MLLT3: variants seen among roughly 807,000 people sequenced by gnomAD.
MLLT3 encodes MLLT3 super elongation complex subunit, also known as protein AF-9.
MLLT3 carries 4 observed loss-of-function variants against 53.2 expected under a neutral mutation model. That is an observed-to-expected ratio of 0.08 (90% CI 0.04 to 0.17). MLLT3 has a LOEUF of 0.17. MLLT3 is among the 10% of genes least tolerant of loss of function. The pLI, the probability that MLLT3 is intolerant of heterozygous loss-of-function variation, is 1.00. For missense variants in MLLT3, 569 were observed against 684.0 expected (o/e 0.83, Z 1.87); for synonymous variants, 283 against 230.6 (o/e 1.23, Z -2.06).
chr9:20,533,645 T>C (rs10117696), intron 2 of MLLT3, among the ~76,000 whole-genome samples: 60,933 of 152,070 alleles, frequency 0.4, 12,518 homozygotes, highest in East Asian at 0.53. Context: ...AGCCAAGATA[T>C]GAAAACAAGC....
At chr9:20,456,906 C>A (rs1312355787) in intron 2 of MLLT3, 120 bp from the exon 3 acceptor site, 2 of 664,906 alleles carry the variant, frequency 3.0e-6, no homozygotes, top group Non-Finnish European at 5.0e-6. Context: ...TAGCCCCTTG[C>A]CAAACTCCCA....
At position 20,385,521 on chromosome 9, in the gene MLLT3, A is replaced by G. The variant is rs140745245; in HGVS notation, c.1126-19777T>C. ...ACAATAATTATGTTTGAAATATATG[A>G]ATAAAAATAACAAAATGTCTGTTTT... is the stretch of plus-strand genomic sequence containing the variant. On this transcript the variant is annotated intron_variant, in intron 5 of 10. Transcript: ENST00000380338. 2.0e-5 allele frequency among the ~76,000 whole-genome samples: 3 copies of G among 152,324 alleles called. No individual in the cohort carries two copies. The East Asian group carries it at 5.8e-4, about 29-fold the overall frequency.
chr9:20,426,931 A>C (rs1823152361), intron 4 of MLLT3, among the ~76,000 whole-genome samples: 1 of 152,156 alleles, frequency 6.6e-6, no homozygotes, highest in East Asian at 1.9e-4. Flanking sequence ...GGGTCTCTAA[A>C]GACCAAACCT....
At chr9:20,616,434 G>T (rs1820835292) in intron 2 of MLLT3, among the ~76,000 whole-genome samples, 1 of 151,544 alleles carries the variant, frequency 6.6e-6, no homozygotes, top group Non-Finnish European at 1.5e-5. Context: ...TTCTTTTTCA[G>T]TTTTAAAAAG....
intron 2 of MLLT3, among the ~76,000 whole-genome samples, chr9:20,461,262 T>C (rs1824102249): frequency 6.6e-6 from 1 of 152,178 alleles, no homozygotes; most frequent in Admixed American, 6.5e-5. Flanking sequence ...AGACACAATA[T>C]AGATTCAAAT....
Position 20,528,348 on chromosome 9 carries a change from G to C in MLLT3, c.194-71562C>G, listed in dbSNP as rs1003806394. Among the ~76,000 whole-genome samples the C allele has an allele frequency of 7.4e-4, 112 of 152,230 alleles. 2 individuals are homozygous for C. The highest frequency in any genetic ancestry group is 7.3e-3 in the Admixed American group (111 of 15,276). ...TTACACAAATATATACTGCTGTGTAGACAGGGATAGCACACCGCCAAAACC... is the reference window on the plus strand; with the variant it reads ...TTACACAAATATATACTGCTGTGTACACAGGGATAGCACACCGCCAAAACC... On this transcript the variant is annotated intron_variant, in intron 2 of 10. Coordinates refer to ENST00000380338, the MANE Select transcript of MLLT3 (RefSeq NM_004529.4).
intron 5 of MLLT3, among the ~76,000 whole-genome samples, chr9:20,396,553 A>G (rs763831179): frequency 7.9e-5 from 12 of 152,116 alleles, no homozygotes; most frequent in Non-Finnish European, 1.8e-4. Flanking sequence ...TTTATAAAAC[A>G]CAGTTTGTGT....
intron 10 of MLLT3, among the ~76,000 whole-genome samples, chr9:20,349,785 C>T (rs1258699896): frequency 6.6e-6 from 1 of 152,190 alleles, no homozygotes; most frequent in Non-Finnish European, 1.5e-5. Flanking sequence ...TCCTCTATCA[C>T]CATGTTGTGC....
At position 20,620,247 on chromosome 9, in the gene MLLT3, A is replaced by G. The variant is rs1252959448; in HGVS notation, c.193+407T>C. On this transcript the variant is annotated intron_variant, in intron 2 of 10. Coordinates refer to ENST00000380338, the MANE Select transcript of MLLT3 (RefSeq NM_004529.4). This position sits in a 1 kb window ranked among gnomAD's most constrained non-coding sequence, Gnocchi z 6.1. Reference sequence around the variant, plus strand: ...AACACAGGTAAATCTTAATTTCTCTAGGAAAACACACACACACACACACAC... The same window carrying G: ...AACACAGGTAAATCTTAATTTCTCTGGGAAAACACACACACACACACACAC... 8.3e-6 allele frequency among the ~76,000 whole-genome samples: 1 copy of G among 120,148 alleles called. No homozygotes were observed. The highest frequency in any genetic ancestry group is 2.3e-4 in the East Asian group (1 of 4,376). The allele number at this position is 120,148 out of a possible 152,430, so 78.8% of individuals were successfully genotyped here.
intron 2 of MLLT3, among the ~76,000 whole-genome samples, chr9:20,588,181 G>C (rs1407761083): frequency 6.6e-6 from 1 of 151,792 alleles, no homozygotes; most frequent in Non-Finnish European, 1.5e-5. Flanking sequence ...TGAGGGCTCT[G>C]TTCTGTTCCA....
rs12005395 is a variant in MLLT3, at chr9:20,585,130, G to A, written c.193+35524C>T. ...GTAATTTGTTTCTCACAGTTTTGGAGGCTGGAAAGTCCAAAATAAAGGGGC... is the reference window on the plus strand; with the variant it reads ...GTAATTTGTTTCTCACAGTTTTGGAAGCTGGAAAGTCCAAAATAAAGGGGC... On this transcript the variant is annotated intron_variant, in intron 2 of 10. Transcript: ENST00000380338. Among the ~76,000 whole-genome samples, 753 of 152,254 alleles carry A rather than the reference G, an allele frequency of 4.9e-3. 8 individuals carry two copies. The highest frequency in any genetic ancestry group is 0.018 in the African/African-American group (730 of 41,532).
At chr9:20,557,752 G>A (rs1819099208) in intron 2 of MLLT3, among the ~76,000 whole-genome samples, 1 of 152,158 alleles carries the variant, frequency 6.6e-6, no homozygotes, top group Non-Finnish European at 1.5e-5. Flanking sequence ...ACTAGCAAAG[G>A]TATTTTAATT....
chr9:20,549,342 T>A (rs1291909980), intron 2 of MLLT3, among the ~76,000 whole-genome samples: 1 of 152,134 alleles, frequency 6.6e-6, no homozygotes, highest in Non-Finnish European at 1.5e-5. Flanking sequence ...CACCAACAAT[T>A]GTTGGTAACA....
At chr9:20,491,427 T>C (rs932557781) in intron 2 of MLLT3, among the ~76,000 whole-genome samples, 2 of 151,812 alleles carry the variant, frequency 1.3e-5, no homozygotes, top group Non-Finnish European at 2.9e-5. Flanking sequence ...AGCAGAAAAA[T>C]CCAGATAAAC....
rs1823760786 is a variant in MLLT3 at position 20,448,478 on chromosome 9, AAATG to A, written c.277-216_277-213del. On this transcript the variant is annotated intron_variant, in intron 3 of 10. Coordinates refer to ENST00000380338, the MANE Select transcript of MLLT3 (RefSeq NM_004529.4). The surrounding 1 kb of genome is among the most constrained non-coding windows in gnomAD (Gnocchi z 4.0). The stretch of plus-strand genomic sequence containing the variant: ...ACAAATTAGTTTCTTGTGTTAGGGG[AAATG>A]AAATAAGAAAAACTTCTCTTCTTCC... 6.6e-6 allele frequency among the ~76,000 whole-genome samples: 1 copy of A among 152,114 alleles called. No individual in the cohort carries two copies. Among genetic ancestry groups the A allele is most frequent in the African/African-American group, 2.4e-5 (1 of 41,428 alleles).
intron 5 of MLLT3, among the ~76,000 whole-genome samples, chr9:20,400,277 C>A (rs1370055700): frequency 6.6e-6 from 1 of 151,922 alleles, no homozygotes; most frequent in African/African-American, 2.4e-5. Flanking sequence ...CCTCTTGCAT[C>A]TTCATGTGAA....
intron 4 of MLLT3, among the ~76,000 whole-genome samples, chr9:20,435,349 T>TA (rs1445723266): frequency 9.2e-5 from 14 of 151,820 alleles, no homozygotes; most frequent in African/African-American, 2.4e-4. Context: ...CAGTGTTTTT[T>TA]AAAAAAAAGA....
At chr9:20,399,891 G>T (rs375390350) in intron 5 of MLLT3, among the ~76,000 whole-genome samples, 3 of 152,038 alleles carry the variant, frequency 2.0e-5, no homozygotes, top group Admixed American at 2.0e-4. Flanking sequence ...CTGCTGGTTT[G>T]GGGGGAGAAA....
intron 2 of MLLT3, among the ~76,000 whole-genome samples, chr9:20,497,870 A>T (rs971097246): frequency 1.3e-5 from 2 of 152,106 alleles, no homozygotes; most frequent in African/African-American, 2.4e-5. Flanking sequence ...TTTTATGAAA[A>T]TTTTTTAAAA....
Sources: gnomAD v4.1 joint callset for allele counts (sites outside exome capture counted in the v4.1 genomes callset) on GRCh38, gnomAD v4.1.1 for gene constraint, Gnocchi (gnomAD v3.1) non-coding constraint, MANE v1.5 for transcripts, NCBI Gene and HGNC (gene_info 2026-07-23, HGNC 2026-07-21) for gene names.